The following DDAH1 variants were observed in gnomAD, a reference collection of about 807,000 sequenced individuals.
DDAH1 encodes the protein dimethylarginine dimethylaminohydrolase 1.
Under a neutral mutation model 28.8 loss-of-function variants are expected in DDAH1, and 19 were observed. The observed-to-expected ratio is 0.66, with a 90% CI of 0.46 to 0.97. DDAH1 has a LOEUF of 0.97. Among genes scored for constraint, DDAH1 ranks in the 50% least tolerant of loss-of-function variants. The pLI, the probability that DDAH1 is intolerant of heterozygous loss-of-function variation, is 0.00. For synonymous variants in DDAH1, 153 were observed against 154.4 expected, an observed-to-expected ratio of 0.99 and a Z score of 0.07; for missense variants, 326 against 375.9, an observed-to-expected ratio of 0.87 and a Z score of 1.10.
intron 1 of DDAH1, among the ~76,000 whole-genome samples, chr1:85,439,277 C>T (rs903517232): frequency 6.6e-6 from 1 of 152,198 alleles, no homozygotes; most frequent in African/African-American, 2.4e-5. Flanking sequence ...TACCCTTTAC[C>T]TTTTCTGCAT....
At chr1:85,570,240 C>G (rs1659412449) in intron 1 of DDAH1, among the ~76,000 whole-genome samples, 1 of 152,254 alleles carries the variant, frequency 6.6e-6, no homozygotes, top group Admixed American at 6.5e-5. Context: ...CTCAAAGCCT[C>G]TACAAAGAGT....
intron 1 of DDAH1, among the ~76,000 whole-genome samples, chr1:85,436,191 A>G (rs1366649291): frequency 6.6e-6 from 1 of 152,174 alleles, no homozygotes; most frequent in Non-Finnish European, 1.5e-5. Context: ...TTAACAGAAT[A>G]TTAGGCCAGG....
At chr1:85,399,635 A>G (rs1191783878) in intron 1 of DDAH1, 1 of 152,236 alleles carries the variant, frequency 6.6e-6, no homozygotes, top group African/African-American at 2.4e-5. Flanking sequence ...TAACATTCCA[A>G]GAAAGCAGGA....
chr1:85,560,534 A>G (rs903651317), intron 1 of DDAH1, among the ~76,000 whole-genome samples: 1 of 152,100 alleles, frequency 6.6e-6, no homozygotes, highest in African/African-American at 2.4e-5. Flanking sequence ...CTCTTGGGGG[A>G]AAATGAAAAT....
intron 2 of DDAH1, among the ~76,000 whole-genome samples, chr1:85,487,873 T>C (rs1372898861): frequency 6.6e-6 from 1 of 152,072 alleles, no homozygotes; most frequent in Non-Finnish European, 1.5e-5. Context: ...TGGCACTCTT[T>C]TCTCCCCTAC....
chr1:85,439,239 T>C (rs1285659430), intron 1 of DDAH1, among the ~76,000 whole-genome samples: 3 of 152,228 alleles, frequency 2.0e-5, no homozygotes, highest in Non-Finnish European at 4.4e-5. Context: ...TAAAGACAAT[T>C]CGCCAACTAA....
At chr1:85,455,042 T>C (rs560062251) in intron 1 of DDAH1, among the ~76,000 whole-genome samples, 1 of 152,178 alleles carries the variant, frequency 6.6e-6, no homozygotes, top group African/African-American at 2.4e-5. Context: ...AGAACTAGGA[T>C]GGCATGCAGA....
chr1:85,358,749 T>A lies in DDAH1; in HGVS notation c.402A>T (p.Thr134=). 1 of 1,590,564 alleles carries A rather than the reference T, an allele frequency of 6.3e-7. No homozygotes were observed. Among genetic ancestry groups the A allele is most frequent in the African/African-American group, 1.3e-5 (1 of 74,300 alleles). Residue 134 remains threonine (T), a splice_region_variant and synonymous_variant, in exon 2 of 6, where the codon ACA becomes ACT. Transcript: ENST00000284031. ...TAGAAAAAATAAATACAACTATACC[T>A]GTGAATAAAACATCTCCGCCATCTA... ...ATLDGGDVLF[T]GREFFVGLSK...
intron 1 of DDAH1, among the ~76,000 whole-genome samples, chr1:85,393,499 ACTTT>A (rs1651662418): frequency 6.6e-6 from 1 of 152,172 alleles, no homozygotes; most frequent in Admixed American, 6.5e-5. Context: ...CTAAAATACA[ACTTT>A]CTAACATTTA....
intron 1 of DDAH1, among the ~76,000 whole-genome samples, chr1:85,378,696 A>G (rs534309693): frequency 6.6e-6 from 1 of 152,378 alleles, no homozygotes; most frequent in African/African-American, 2.4e-5. Context: ...GGGATGAGCC[A>G]CCATGGCTGG....
chr1:85,562,652 G>A (rs1224974319), intron 1 of DDAH1, among the ~76,000 whole-genome samples: 1 of 152,162 alleles, frequency 6.6e-6, no homozygotes, highest in Non-Finnish European at 1.5e-5. Context: ...GCAGATATTG[G>A]AGCGACGCAT....
chr1:85,351,500 A>C lies in DDAH1; in HGVS notation c.477+6T>G. 1 of 1,613,198 alleles carries C rather than the reference A, an allele frequency of 6.2e-7. No individual in the cohort carries two copies. The highest frequency in any genetic ancestry group is 8.5e-7 in the Non-Finnish European group (1 of 1,179,252). ...TTGTGCCAGGCATAAACTACCTTTT[A>C]CCTACCTTAAAAGTATCAGCCAAGA... On this transcript the variant is annotated splice_donor_region_variant and intron_variant, in intron 3 of 5. Coordinates refer to ENST00000284031, the MANE Select transcript of DDAH1 (RefSeq NM_012137.4).
At chr1:85,361,586 A>AAGCCT (rs1649800741) in intron 1 of DDAH1, among the ~76,000 whole-genome samples, 4 of 152,240 alleles carry the variant, frequency 2.6e-5, no homozygotes, top group African/African-American at 7.2e-5. Context: ...CTTAGAGTAT[A>AAGCCT]AAGTATATAC....
intron 1 of DDAH1, among the ~76,000 whole-genome samples, chr1:85,388,114 C>A (rs908268349): frequency 3.3e-5 from 5 of 152,200 alleles, no homozygotes; most frequent in African/African-American, 1.2e-4. Context: ...ACCTCCAACA[C>A]TGGGGGTCAA....
At chr1:85,439,900 ACT>A in intron 1 of DDAH1, among the ~76,000 whole-genome samples, 1 of 152,234 alleles carries the variant, frequency 6.6e-6, no homozygotes, top group Non-Finnish European at 1.5e-5. Flanking sequence ...TGCTAATAAG[ACT>A]ACAGCATTTT....
At chr1:85,549,780 A>G (rs1658730558) in intron 1 of DDAH1, among the ~76,000 whole-genome samples, 1 of 152,214 alleles carries the variant, frequency 6.6e-6, no homozygotes, top group South Asian at 2.1e-4. Flanking sequence ...TTAATCTCTT[A>G]TTTCTCATTC....
rs150412003 is a variant in DDAH1, at chr1:85,445,686, T to C, written c.303+19057A>G. ...AGTGCAGTGGTGCAAACATGGCTCA[T>C]TGAAGCCTTGATCTCCTAAGCCCAA... On this transcript the variant is annotated intron_variant, in intron 1 of 5. Coordinates refer to ENST00000284031, the MANE Select transcript of DDAH1 (RefSeq NM_012137.4). 4.7e-3 allele frequency among the ~76,000 whole-genome samples: 717 copies of C among 152,292 alleles called. 7 individuals carry two copies. The highest frequency in any genetic ancestry group is 0.016 in the African/African-American group (663 of 41,562).
chr1:85,333,170 T>C (rs1051796078), intron 4 of DDAH1, among the ~76,000 whole-genome samples: 2 of 152,054 alleles, frequency 1.3e-5, no homozygotes, highest in Non-Finnish European at 2.9e-5. Flanking sequence ...CAGCATAATC[T>C]CTACTAACAA....
At chr1:85,472,287 G>A (rs982209741) in intron 2 of DDAH1, among the ~76,000 whole-genome samples, 2 of 152,162 alleles carry the variant, frequency 1.3e-5, no homozygotes, top group African/African-American at 2.4e-5. Context: ...GGGCTTCCTT[G>A]CTCAGTTTAT....
Sources: allele counts gnomAD v4.1 joint callset (sites outside exome capture counted in the v4.1 genomes callset), GRCh38; gene constraint gnomAD v4.1.1; transcripts MANE v1.5; gene names NCBI Gene and HGNC (gene_info 2026-07-23, HGNC 2026-07-21).